Variants in TTLL11 observed in about 807,000 individuals in gnomAD.
TTLL11 encodes the protein tubulin polyglutamylase TTLL11.
TTLL11 carries 42 observed loss-of-function variants against 51.7 expected under a neutral mutation model. That is an observed-to-expected ratio of 0.81 (90% CI 0.64 to 1.05). The LOEUF (loss-of-function observed/expected upper bound fraction) is 1.05, where lower values mean the gene tolerates loss of function less well. TTLL11 is among the 50% of genes least tolerant of loss of function. TTLL11 has a pLI of 0.00. For missense variants in TTLL11, 799 were observed against 940.4 expected (o/e 0.85, Z 1.97); for synonymous variants, 381 against 383.5 (o/e 0.99, Z 0.08).
chr9:121,862,977 C>T (rs1412531699), intron 7 of TTLL11, among the ~76,000 whole-genome samples: 2 of 152,110 alleles, frequency 1.3e-5, no homozygotes, highest in South Asian at 2.1e-4. Flanking sequence ...GCATGTGCCC[C>T]GCATGGTGCC....
intron 8 of TTLL11, among the ~76,000 whole-genome samples, chr9:121,847,102 C>T (rs954166396): frequency 3.3e-5 from 5 of 150,508 alleles, no homozygotes; most frequent in African/African-American, 4.9e-5. Flanking sequence ...CCCAGCTACT[C>T]GGGAGGCTGA....
chr9:121,970,523 C>CA (rs1842519273), intron 6 of TTLL11, among the ~76,000 whole-genome samples: 1 of 152,066 alleles, frequency 6.6e-6, no homozygotes, highest in Non-Finnish European at 1.5e-5. Context: ...TGATGTGTCT[C>CA]AAAAAGTGGG....
At chr9:122,042,314 T>G (rs1389048625) in intron 1 of TTLL11, among the ~76,000 whole-genome samples, 1 of 152,216 alleles carries the variant, frequency 6.6e-6, no homozygotes, top group Non-Finnish European at 1.5e-5. Flanking sequence ...AGGTCTCACA[T>G]TTCCTGATGC....
At chr9:121,888,807 C>T (rs572113003) in intron 6 of TTLL11, among the ~76,000 whole-genome samples, 39 of 152,310 alleles carry the variant, frequency 2.6e-4, no homozygotes, top group African/African-American at 7.9e-4. Flanking sequence ...CAGTAACAGC[C>T]GCTATGGACT....
chr9:121,928,812 T>G (rs1840851725), intron 6 of TTLL11, among the ~76,000 whole-genome samples: 1 of 152,076 alleles, frequency 6.6e-6, no homozygotes, highest in Non-Finnish European at 1.5e-5. Context: ...GCTCAAGTGA[T>G]CCTCCCACCT....
chr9:121,816,732 T>C lies in TTLL11; in HGVS notation c.*5855A>G, dbSNP rs1836424372. 1 of 152,230 alleles carries C rather than the reference T, an allele frequency of 6.6e-6. No homozygotes were observed. Among genetic ancestry groups the C allele is most frequent in the Non-Finnish European group, 1.5e-5 (1 of 68,052 alleles). The allele number at this position is 152,230 out of a possible 1,614,324, so 9.4% of individuals were successfully genotyped here. On this transcript the variant is annotated 3_prime_UTR_variant, in exon 9 of 9. Transcript: ENST00000321582. ...GTGCATGCATGCGCGCGTGTGTGTA[T>C]AAGCATTATGCTGCGTGGTTTTTCC...
At chr9:122,018,373 A>G (rs1389752143) in intron 3 of TTLL11, among the ~76,000 whole-genome samples, 1 of 152,056 alleles carries the variant, frequency 6.6e-6, no homozygotes, top group Non-Finnish European at 1.5e-5. Context: ...CGGCCTCCCA[A>G]AGTGCTGGGA....
intron 6 of TTLL11, among the ~76,000 whole-genome samples, chr9:121,954,354 C>T (rs1276271848): frequency 6.6e-6 from 1 of 152,190 alleles, no homozygotes; most frequent in Non-Finnish European, 1.5e-5. Flanking sequence ...AACATGGAGA[C>T]AAGCCCCACT....
intron 7 of TTLL11, among the ~76,000 whole-genome samples, chr9:121,863,741 G>A (rs746816126): frequency 2.7e-4 from 41 of 152,190 alleles, no homozygotes; most frequent in Non-Finnish European, 5.0e-4. Flanking sequence ...TTGCTCATCA[G>A]CTCTCTGGAT....
In TTLL11 at chr9:121,820,148, CA is replaced by C. The variant is rs1247174551; in HGVS notation, c.*2438del. Reference sequence around the variant, plus strand: ...GGCATGGGGTGGGAGAGGCCCTCACCAGGAGAGCTGATGTTTTCATATCACC... The same window carrying C: ...GGCATGGGGTGGGAGAGGCCCTCACCGGAGAGCTGATGTTTTCATATCACC... On this transcript the variant is annotated 3_prime_UTR_variant, in exon 9 of 9. Transcript: ENST00000321582. 2.0e-5 allele frequency among the ~76,000 whole-genome samples: 3 copies of C among 152,234 alleles called. No homozygotes were observed. The highest frequency in any genetic ancestry group is 6.5e-5 in the Admixed American group (1 of 15,282).
rs1839193345 is a variant in TTLL11, at chr9:121,890,652, C to T, written c.1482-19904G>A. On this transcript the variant is annotated intron_variant, in intron 6 of 8. Transcript: ENST00000321582. The surrounding 1 kb of genome is among the most constrained non-coding windows in gnomAD (Gnocchi z 4.3). Reference sequence around the variant, plus strand: ...TTTTGTTTATTTTCCATCTCCTGTCCTCTCATCCTCCACCTCCCATCAATA... The same window carrying T: ...TTTTGTTTATTTTCCATCTCCTGTCTTCTCATCCTCCACCTCCCATCAATA... Among the ~76,000 whole-genome samples the T allele has an allele frequency of 1.3e-5, 2 of 152,210 alleles. No homozygotes were observed. The highest frequency in any genetic ancestry group is 4.8e-5 in the African/African-American group (2 of 41,446).
intron 1 of TTLL11, among the ~76,000 whole-genome samples, chr9:122,057,570 G>A (rs980410087): frequency 2.6e-5 from 4 of 151,922 alleles, no homozygotes; most frequent in Non-Finnish European, 5.9e-5. Flanking sequence ...CAAGTGATCC[G>A]CCTGCCTCAA....
chr9:122,002,722 G>A (rs957140845), intron 3 of TTLL11, among the ~76,000 whole-genome samples: 7 of 151,910 alleles, frequency 4.6e-5, no homozygotes, highest in African/African-American at 1.2e-4. Flanking sequence ...TGAGGCAGGC[G>A]GATCACGAGG....
chr9:121,963,112 C>T (rs1842290275), intron 6 of TTLL11, among the ~76,000 whole-genome samples: 1 of 149,890 alleles, frequency 6.7e-6, no homozygotes, highest in South Asian at 2.2e-4. Context: ...CCTCGATGTC[C>T]TCATCTATAA....
In TTLL11 at chr9:121,895,084, CAG is replaced by C. The variant is rs538510985; in HGVS notation, c.1482-24338_1482-24337del. Among the ~76,000 whole-genome samples the C allele has an allele frequency of 2.5e-3, 373 of 152,228 alleles. 2 individuals carry two copies. The highest frequency in any genetic ancestry group is 3.8e-3 in the Non-Finnish European group (260 of 68,006). ...GCTCGTTTAAATGAAAAGATAAAGA[CAG>C]GGGACTAAATAAAGATATATCTTTA... On this transcript the variant is annotated intron_variant, in intron 6 of 8. Coordinates refer to ENST00000321582, the MANE Select transcript of TTLL11 (RefSeq NM_001139442.2).
intron 6 of TTLL11, among the ~76,000 whole-genome samples, chr9:121,889,572 G>C (rs1265222062): frequency 6.6e-6 from 1 of 151,944 alleles, no homozygotes. Context: ...TCTACTTTCT[G>C]ACTCTATGAA....
chr9:121,992,978 A>G (rs1396193635), intron 3 of TTLL11, among the ~76,000 whole-genome samples: 1 of 152,226 alleles, frequency 6.6e-6, no homozygotes, highest in African/African-American at 2.4e-5. Flanking sequence ...ATGGCACAAA[A>G]TGGATGCATC....
intron 7 of TTLL11, among the ~76,000 whole-genome samples, chr9:121,866,498 A>G (rs1838178445): frequency 6.6e-6 from 1 of 151,918 alleles, no homozygotes. Context: ...CATCTCTACT[A>G]AAAATACAAA....
intron 6 of TTLL11, among the ~76,000 whole-genome samples, chr9:121,900,560 C>G (rs1017558082): frequency 6.6e-6 from 1 of 152,164 alleles, no homozygotes; most frequent in Admixed American, 6.5e-5. Context: ...TCAGCCTTAA[C>G]GTCTTTGAAT....
Sources: allele counts gnomAD v4.1 joint callset (sites outside exome capture counted in the v4.1 genomes callset), GRCh38; gene constraint gnomAD v4.1.1; non-coding constraint Gnocchi (gnomAD v3.1); transcripts MANE v1.5; gene names NCBI Gene and HGNC (gene_info 2026-07-23, HGNC 2026-07-21).